Variants in CLCN5 observed in about 807,000 individuals in gnomAD.
The protein encoded by CLCN5 is H(+)/Cl(-) exchange transporter 5.
A neutral mutation model predicts 54.0 loss-of-function variants in CLCN5; 17 were observed. The observed-to-expected ratio is 0.31, with a 90% CI of 0.22 to 0.47. The LOEUF (loss-of-function observed/expected upper bound fraction) is 0.47. Among genes scored for constraint, CLCN5 ranks in the 20% least tolerant of loss-of-function variants. CLCN5 has a pLI of 1.00. For synonymous variants in CLCN5, 222 were observed against 233.0 expected (o/e 0.95, Z 0.43); for missense variants, 448 against 646.7 (o/e 0.69, Z 3.33).
chrX:50,018,978 T>A (rs1930927307), intron 3 of CLCN5, among the ~76,000 whole-genome samples: 1 of 112,217 alleles, frequency 8.9e-6, no homozygotes, highest in South Asian at 3.7e-4. Flanking sequence ...GGGTTCCCTT[T>A]GCTTCTATCT....
intron 3 of CLCN5, among the ~76,000 whole-genome samples, chrX:49,984,927 T>C (rs1295933057): frequency 9.0e-6 from 1 of 110,725 alleles, no homozygotes; most frequent in African/African-American, 3.3e-5. Context: ...ATATTGCTTA[T>C]TTCTTTGGTA....
At chrX:50,014,525 T>C (rs1930681406) in intron 3 of CLCN5, 2 of 310,779 alleles carry the variant, frequency 6.4e-6, no homozygotes, top group East Asian at 1.1e-4. Flanking sequence ...CTCTCATTCC[T>C]GTTCTCACAC....
chrX:50,002,133 A>T (rs2147378608), intron 3 of CLCN5, among the ~76,000 whole-genome samples: 1 of 108,323 alleles, frequency 9.2e-6, no homozygotes, highest in East Asian at 2.9e-4. Flanking sequence ...ATTAGTCCTC[A>T]GCTGTTCTCA....
chrX:50,046,679 A>G (rs967293352), intron 4 of CLCN5, among the ~76,000 whole-genome samples: 3 of 111,562 alleles, frequency 2.7e-5, no homozygotes, highest in Admixed American at 1.9e-4. Context: ...ATGAACTAAA[A>G]GCAGAGGAAT....
chrX:50,060,733 A>T (rs1165389194), intron 4 of CLCN5, among the ~76,000 whole-genome samples: 1 of 111,367 alleles, frequency 9.0e-6, no homozygotes, highest in Admixed American at 9.4e-5. Flanking sequence ...GATAGCAGTA[A>T]CCTCTGCAGA....
intron 3 of CLCN5, among the ~76,000 whole-genome samples, chrX:49,947,420 C>T (rs782256213): frequency 3.3e-4 from 36 of 109,854 alleles, no homozygotes; most frequent in African/African-American, 1.0e-4. Flanking sequence ...GGTCTGGGCT[C>T]GAGTAGAGAT....
In CLCN5 at chrX:49,944,573, C is replaced by T. The variant is rs782500303; in HGVS notation, c.16+19259C>T. On this transcript the variant is annotated intron_variant, in intron 3 of 14. Transcript: ENST00000376091. The stretch of plus-strand genomic sequence containing the variant: ...AAATAGCTCTTATTATTTTGAGATA[C>T]GTCCCATCAATACCGAATTTATTGA... Among the ~76,000 whole-genome samples, 19 of 111,657 alleles carry T rather than the reference C, an allele frequency of 1.7e-4. No homozygotes were observed. In the South Asian group the frequency reaches 6.8e-3, roughly 40 times the overall value.
rs1474809932 is a variant in CLCN5, at chrX:50,098,631, G to A, written c.*6412G>A. On this transcript the variant is annotated 3_prime_UTR_variant, in exon 15 of 15. Transcript: ENST00000376091. The stretch of plus-strand genomic sequence containing the variant: ...GACATCAGCAGTAACTAGGCATCCA[G>A]AAAGTAGCTTCAACCAAAGCTAATA... 8 of 113,132 alleles carry A rather than the reference G, an allele frequency of 7.1e-5. No individual in the cohort carries two copies. The highest frequency in any genetic ancestry group is 2.3e-4 in the African/African-American group (7 of 31,065). The allele number at this position is 113,132 out of a possible 1,213,427, so 9.3% of individuals were successfully genotyped here.
chrX:50,098,554 C>T lies in CLCN5; in HGVS notation c.*6335C>T, dbSNP rs1281845431. The T allele has an allele frequency of 8.9e-6, 1 of 112,946 alleles. No homozygotes were observed. Among genetic ancestry groups the T allele is most frequent in the Non-Finnish European group, 1.9e-5 (1 of 53,364 alleles). 9.3% of individuals were successfully genotyped at this position (112,946 alleles called of 1,213,427 possible). A position where few individuals can be genotyped will look rare whatever the true frequency, so the allele number is the denominator to read the frequency against. On this transcript the variant is annotated 3_prime_UTR_variant, in exon 15 of 15. Transcript: ENST00000376091. Reference sequence around the variant, plus strand: ...GTAGCCAAAGAAAACCTGTCTGACTCGACATTTTAATGCCTGAGAGTTGGT... The same window carrying T: ...GTAGCCAAAGAAAACCTGTCTGACTTGACATTTTAATGCCTGAGAGTTGGT...
chrX:49,937,280 T>A (rs1376024216), intron 3 of CLCN5, among the ~76,000 whole-genome samples: 20 of 112,072 alleles, frequency 1.8e-4, no homozygotes, highest in African/African-American at 6.5e-4. Flanking sequence ...CAGTTGTCAG[T>A]TACCTTGGAG....
chrX:50,002,667 C>G (rs782813729), intron 3 of CLCN5, among the ~76,000 whole-genome samples: 1 of 97,321 alleles, frequency 1.0e-5, no homozygotes, highest in South Asian at 4.3e-4. Context: ...GTCTCTGTCT[C>G]TCTCTCTCTC....
chrX:50,088,599 C>T lies in CLCN5; in HGVS notation c.1558-99C>T, dbSNP rs143942697. The T allele has an allele frequency of 1.5e-3, 1,174 of 773,582 alleles. 7 individuals carry two copies. The highest frequency in any genetic ancestry group is 1.9e-3 in the Non-Finnish European group (960 of 499,692). The allele number at this position is 773,582 out of a possible 1,213,427, so 63.8% of individuals were successfully genotyped here. ...GCATAGTGCATAGTTAAATTGTCAT[C>T]GGCCTGTTTGCTTTGCAGAGGGTCA... On this transcript the variant is annotated intron_variant, in intron 11 of 14. Transcript: ENST00000376091.
At chrX:49,930,244 A>G (rs1557168657) in intron 3 of CLCN5, among the ~76,000 whole-genome samples, 1 of 112,175 alleles carries the variant, frequency 8.9e-6, no homozygotes, top group African/African-American at 3.2e-5. Context: ...CAAGGACTCA[A>G]GGAAGCAGAT....
intron 3 of CLCN5, among the ~76,000 whole-genome samples, chrX:50,033,954 A>C (rs1389550602): frequency 9.0e-6 from 1 of 111,110 alleles, no homozygotes; most frequent in Non-Finnish European, 1.9e-5. Context: ...TGTAGGAATA[A>C]CTCCCAGATG....
intron 3 of CLCN5, among the ~76,000 whole-genome samples, chrX:50,026,850 G>A (rs782743487): frequency 9.0e-6 from 1 of 111,114 alleles, no homozygotes; most frequent in Non-Finnish European, 1.9e-5. Flanking sequence ...TTGATTTTCT[G>A]CAGTTTGGAT....
intron 8 of CLCN5, among the ~76,000 whole-genome samples, chrX:50,081,096 G>A (rs1240331557): frequency 3.6e-5 from 4 of 112,002 alleles, no homozygotes; most frequent in Non-Finnish European, 7.5e-5. Flanking sequence ...GGCTACATGG[G>A]ATGGTTAAAA....
At chrX:49,964,684 A>G (rs1408597728) in intron 3 of CLCN5, among the ~76,000 whole-genome samples, 5 of 111,702 alleles carry the variant, frequency 4.5e-5, no homozygotes, top group African/African-American at 1.6e-4. Flanking sequence ...TTATCCCTAT[A>G]TAAAGATCTT....
rs1557195065 is a variant in CLCN5, at chrX:50,093,197, C to T, written c.*978C>T. 8.9e-6 allele frequency: 1 copy of T among 111,959 alleles called. No individual in the cohort carries two copies. The highest frequency in any genetic ancestry group is 3.2e-5 in the African/African-American group (1 of 30,774). The allele number at this position is 111,959 out of a possible 1,213,427, so 9.2% of individuals were successfully genotyped here. On this transcript the variant is annotated 3_prime_UTR_variant, in exon 15 of 15. Transcript: ENST00000376091. The stretch of plus-strand genomic sequence containing the variant: ...AATATGTAAAAACAGCAAAGGGAAC[C>T]AAGTCTAGACTGCATACTGGTAAAC...
chrX:50,072,438 T>TG (rs1282625573), intron 5 of CLCN5, 51 bp from the exon 6 acceptor site: 9 of 885,690 alleles, frequency 1.0e-5, no homozygotes, highest in South Asian at 2.0e-5. Context: ...AGTTTTTAAG[T>TG]GAAAAAATGG....
Sources: gnomAD v4.1 joint callset for allele counts (sites outside exome capture counted in the v4.1 genomes callset) on GRCh38, gnomAD v4.1.1 for gene constraint, MANE v1.5 for transcripts, NCBI Gene and HGNC (gene_info 2026-07-23, HGNC 2026-07-21) for gene names.